CSPP1: variants seen among roughly 807,000 people sequenced by gnomAD.
CSPP1 encodes the protein centrosome and spindle pole-associated protein 1.
CSPP1 carries 126 observed loss-of-function variants against 164.4 expected under a neutral mutation model. The observed-to-expected ratio is 0.77, with a 90% CI of 0.66 to 0.89. The LOEUF is 0.89. Among genes scored for constraint, CSPP1 ranks in the 40% least tolerant of loss-of-function variants. The pLI is 0.00. For synonymous variants in CSPP1, 472 were observed against 476.7 expected, an observed-to-expected ratio of 0.99 and a Z score of 0.13; for missense variants, 1,395 against 1,449.8, an observed-to-expected ratio of 0.96 and a Z score of 0.61.
chr8:67,124,143 C>T (rs1819597243), intron 15 of CSPP1, among the ~76,000 whole-genome samples: 1 of 148,776 alleles, frequency 6.7e-6, no homozygotes. Flanking sequence ...TCATGATCCA[C>T]CCGCCTTGGC....
intron 1 of CSPP1, among the ~76,000 whole-genome samples, chr8:67,071,708 T>C (rs1219310192): frequency 6.6e-6 from 1 of 152,214 alleles, no homozygotes; most frequent in Admixed American, 6.5e-5. Flanking sequence ...ACTTTGATCA[T>C]TAGTGGCTTC....
chr8:67,195,689 G>T lies in CSPP1; in HGVS notation c.*96G>T. 1 of 994,302 alleles carries T rather than the reference G, an allele frequency of 1.0e-6. No homozygotes were observed. Among genetic ancestry groups the T allele is most frequent in the South Asian group, 1.6e-5 (1 of 64,012 alleles). The allele number at this position is 994,302 out of a possible 1,614,324, so 61.6% of individuals were successfully genotyped here. A position where few individuals can be genotyped will look rare whatever the true frequency, so the allele number is the denominator to read the frequency against. On this transcript the variant is annotated 3_prime_UTR_variant, in exon 31 of 31. Transcript: ENST00000678616. ...TCCTACTTTTGGCCCCTACCTGAAA[G>T]TTACTTTTTTTCCATCATCTGTATA...
At chr8:67,090,332 T>C (rs1441902471) in intron 4 of CSPP1, among the ~76,000 whole-genome samples, 1 of 152,184 alleles carries the variant, frequency 6.6e-6, no homozygotes, top group Non-Finnish European at 1.5e-5. Context: ...TCACCCAGGC[T>C]AGAGTGCGGT....
chr8:67,192,060 T>G (rs113708510), intron 29 of CSPP1, among the ~76,000 whole-genome samples: 93 of 149,226 alleles, frequency 6.2e-4, no homozygotes, highest in African/African-American at 2.1e-3. Flanking sequence ...AATCCTTTGC[T>G]GATTTGTTTT....
intron 18 of CSPP1, 127 bp downstream of exon 18, chr8:67,150,062 T>C (rs769050456): frequency 6.3e-5 from 58 of 923,068 alleles, no homozygotes; most frequent in African/African-American, 1.4e-4. Context: ...ACAGGAAACA[T>C]AACACACTAT....
chr8:67,115,872 T>TA (rs1250392031), intron 12 of CSPP1, 42 bp from the exon 13 acceptor site: 12 of 1,522,710 alleles, frequency 7.9e-6, no homozygotes, highest in Middle Eastern at 1.8e-4. Flanking sequence ...CCTTTAAACT[T>TA]ATGATTATAT....
intron 28 of CSPP1, among the ~76,000 whole-genome samples, chr8:67,180,895 T>A (rs552456509): frequency 6.6e-6 from 1 of 152,300 alleles, no homozygotes; most frequent in East Asian, 1.9e-4. Context: ...GATTATGTAC[T>A]CTGATCATGA....
At position 67,153,835 on chromosome 8, in the gene CSPP1, C is replaced by T. The variant is rs1826160767; in HGVS notation, c.2129-189C>T. Among the ~76,000 whole-genome samples the T allele has an allele frequency of 3.3e-5, 5 of 150,566 alleles. No homozygotes were observed. The South Asian group carries it at 1.0e-3, about 31-fold the overall frequency. The stretch of plus-strand genomic sequence containing the variant: ...AACTGTTAATTTTATTTTAGTATTA[C>T]CATTTTTCTTTCTCTTACTACTGTT... On this transcript the variant is annotated intron_variant, in intron 18 of 30. Transcript: ENST00000678616.
chr8:67,075,610 G>A (rs767883578), intron 2 of CSPP1, among the ~76,000 whole-genome samples: 1 of 152,210 alleles, frequency 6.6e-6, no homozygotes, highest in African/African-American at 2.4e-5. Flanking sequence ...TAGAGTTGGT[G>A]GAACTAGGCT....
chr8:67,091,854 C>A lies in CSPP1; in HGVS notation c.355C>A (p.Leu119Ile). The A allele has an allele frequency of 7.4e-7, 1 of 1,350,878 alleles. No homozygotes were observed. 83.7% of individuals were successfully genotyped at this position (1,350,878 alleles called of 1,614,324 possible). A position where few individuals can be genotyped will look rare whatever the true frequency, so the allele number is the denominator to read the frequency against. ...AGATCCATCTACTTTGGGAGTTTCT[C>A]TTCCTATTGGTGAGAGGTTATCTGC... ...ETDPSTLGVS[L>I]PIGERLSAKE... is the part of the protein sequence containing the mutation. Residue 119 changes from leucine (L) to isoleucine (I), a missense_variant, in exon 5 of 31, where the codon CTT becomes ATT. Transcript: ENST00000678616.
chr8:67,187,391 G>A (rs1834971832), intron 28 of CSPP1, among the ~76,000 whole-genome samples: 1 of 152,156 alleles, frequency 6.6e-6, no homozygotes, highest in South Asian at 2.1e-4. Context: ...ATGGAATATG[G>A]AGCCCAGAAA....
rs1464611032 is a variant in CSPP1 at position 67,196,084 on chromosome 8, C to CTGAT, written c.*492_*495dup. The stretch of plus-strand genomic sequence containing the variant: ...TATTATTTCATGTCATTTGTAGCTA[C>CTGAT]TGATACAGCAGAAATGAAGGGAACT... On this transcript the variant is annotated 3_prime_UTR_variant, in exon 31 of 31. Transcript: ENST00000678616. The CTGAT allele has an allele frequency of 6.5e-6, 1 of 153,826 alleles. No individual in the cohort carries two copies. The highest frequency in any genetic ancestry group is 6.4e-5 in the Admixed American group (1 of 15,592). 9.5% of individuals were successfully genotyped at this position (153,826 alleles called of 1,614,324 possible).
intron 7 of CSPP1, among the ~76,000 whole-genome samples, chr8:67,098,013 T>C (rs1813190405): frequency 6.6e-6 from 1 of 151,328 alleles, no homozygotes; most frequent in Non-Finnish European, 1.5e-5. Context: ...TAAAATGGGA[T>C]TTCTTTATTT....
chr8:67,131,152 T>C (rs1269456652), intron 15 of CSPP1, among the ~76,000 whole-genome samples: 1 of 152,140 alleles, frequency 6.6e-6, no homozygotes, highest in Non-Finnish European at 1.5e-5. Flanking sequence ...CCCAGCACTT[T>C]GGGAGGCTAA....
At chr8:67,190,844 A>G in intron 29 of CSPP1, 85 bp downstream of exon 29, 1 of 943,888 alleles carries the variant, frequency 1.1e-6, no homozygotes, top group Non-Finnish European at 1.7e-6. Context: ...GTGTGGCCCA[A>G]TAAAGAGCAC....
chr8:67,087,089 T>C (rs949159926), intron 4 of CSPP1, among the ~76,000 whole-genome samples: 1 of 152,198 alleles, frequency 6.6e-6, no homozygotes, highest in Admixed American at 6.5e-5. Context: ...TTTGCATTTG[T>C]GTTTATTGCT....
rs769189572 is a variant in CSPP1 at position 67,175,325 on chromosome 8, ATGTACC to A, written c.3001_3006del (p.Tyr1001_Leu1002del). 13 of 1,612,834 alleles carry A rather than the reference ATGTACC, an allele frequency of 8.1e-6. No individual in the cohort carries two copies. The South Asian group carries it at 1.3e-4, about 16-fold the overall frequency. ...AGAAACACGAGTTGATCTGAAATTT[ATGTACC>A]TGGATCCTCCAAGAGATCATCACAC... On this transcript the variant is annotated inframe_deletion, in exon 26 of 31. Transcript: ENST00000678616.
At chr8:67,142,187 A>C (rs1192377154) in intron 17 of CSPP1, among the ~76,000 whole-genome samples, 3 of 152,174 alleles carry the variant, frequency 2.0e-5, no homozygotes. Context: ...TATTTATTAA[A>C]GTTCTTTATT....
At chr8:67,093,119 A>G (rs1811968969) in intron 5 of CSPP1, among the ~76,000 whole-genome samples, 1 of 152,222 alleles carries the variant, frequency 6.6e-6, no homozygotes, top group Non-Finnish European at 1.5e-5. Context: ...TTTTGGCAGA[A>G]TACACCTGGT....
Sources: allele counts gnomAD v4.1 joint callset (sites outside exome capture counted in the v4.1 genomes callset), GRCh38; gene constraint gnomAD v4.1.1; transcripts MANE v1.5; gene names NCBI Gene and HGNC (gene_info 2026-07-23, HGNC 2026-07-21).